FAM53A: variants seen among roughly 807,000 people sequenced by gnomAD.
The protein encoded by FAM53A is protein FAM53A.
Under a neutral mutation model 26.6 loss-of-function variants are expected in FAM53A, and 28 were observed. The ratio of observed to expected loss-of-function variants is 1.05; its 90% confidence interval spans 0.78 to 1.45. The LOEUF is 1.45. Ranked by LOEUF, FAM53A falls within the 40% of genes most tolerant of loss-of-function variation. The pLI is 0.00. For missense variants in FAM53A, 650 were observed against 575.8 expected (o/e 1.13, Z -1.32); for synonymous variants, 290 against 253.1 (o/e 1.15, Z -1.38).
intron 4 of FAM53A, among the ~76,000 whole-genome samples, chr4:1,649,032 G>A (rs1712493579): frequency 6.6e-6 from 1 of 152,130 alleles, no homozygotes. Flanking sequence ...AGAATCTCTG[G>A]AATCTGGGAG....
At chr4:1,596,412 T>TCCCCCCCC in the FAM53A span, among the ~76,000 whole-genome samples, 9 of 139,732 alleles carry the variant, frequency 6.4e-5, no homozygotes, top group East Asian at 2.1e-4. Flanking sequence ...CCACCCACCT[T>TCCCCCCCC]CCCCAAAGGT....
At chr4:1,653,401 T>C (rs1209581367) in intron 4 of FAM53A, among the ~76,000 whole-genome samples, 1 of 152,162 alleles carries the variant, frequency 6.6e-6, no homozygotes, top group Non-Finnish European at 1.5e-5. Flanking sequence ...TTAGGACTGT[T>C]GTCTGGTCAT....
rs1714606326 is a variant in FAM53A, at chr4:1,671,051, C to T, written c.-164-2146G>A. On this transcript the variant is annotated intron_variant, in intron 1 of 4. Transcript: ENST00000308132. ...CGGCCCGGACTCACCTCTGTCCCAG[C>T]GTCAGAGCCACCAGCTCACAGCCAC... Among the ~76,000 whole-genome samples the T allele has an allele frequency of 3.4e-5, 5 of 149,200 alleles. No individual in the cohort carries two copies. The South Asian group carries it at 8.6e-4, about 26-fold the overall frequency.
the FAM53A span, among the ~76,000 whole-genome samples, chr4:1,577,016 C>T: frequency 6.6e-6 from 1 of 152,146 alleles, no homozygotes; most frequent in East Asian, 1.9e-4. Flanking sequence ...TCCCTCCCTC[C>T]AGCCCTCTGT....
chr4:1,668,618 ACAGCACGG>A, intron 2 of FAM53A, 41 bp downstream of exon 2: 1 of 1,600,116 alleles, frequency 6.2e-7, no homozygotes, highest in Non-Finnish European at 8.6e-7. Flanking sequence ...TTCCCCTGTG[ACAGCACGG>A]GGGAGGGGCA....
intron 1 of FAM53A, among the ~76,000 whole-genome samples, chr4:1,680,319 C>CAAAAAAAA (rs143458191): frequency 9.7e-5 from 8 of 82,684 alleles, no homozygotes; most frequent in Non-Finnish European, 1.2e-4. Context: ...AACTCCGTCT[C>CAAAAAAAA]AAAAAAAAAA....
chr4:1,643,366 T>C (rs899043282), intron 4 of FAM53A, among the ~76,000 whole-genome samples: 1 of 151,764 alleles, frequency 6.6e-6, no homozygotes, highest in Non-Finnish European at 1.5e-5. Flanking sequence ...CTCGGGAGGC[T>C]GAGGCAGGAG....
chr4:1,671,985 C>T (rs1714691617), intron 1 of FAM53A, among the ~76,000 whole-genome samples: 1 of 140,250 alleles, frequency 7.1e-6, no homozygotes, highest in Admixed American at 7.1e-5. Flanking sequence ...CAGCAGCCTG[C>T]CTGTGACACA....
At chr4:1,651,445 T>C (rs1478560976) in intron 4 of FAM53A, among the ~76,000 whole-genome samples, 1 of 151,448 alleles carries the variant, frequency 6.6e-6, no homozygotes, top group South Asian at 2.1e-4. Context: ...GGCAGGAGAA[T>C]TGCTTGAGTC....
Position 1,655,084 on chromosome 4 carries a change from C to A in FAM53A, c.776G>T (p.Arg259Leu). 6.2e-7 allele frequency: 1 copy of A among 1,601,648 alleles called. No individual in the cohort carries two copies. The highest frequency in any genetic ancestry group is 8.5e-7 in the Non-Finnish European group (1 of 1,174,108). Residue 259 changes from arginine (R) to leucine (L), a missense_variant, in exon 4 of 5, where the codon CGC becomes CTC. Physicochemically the swap from Arg to Leu is moderately radical, Grantham distance 102 (BLOSUM62 -2). Coordinates refer to ENST00000308132, the MANE Select transcript of FAM53A (RefSeq NM_001174070.3). ...CCCACTGAGCACGCAAGGCTGTGAGCGGCACCGGAGCAGCCCACGGCGCCC... is the reference window on the plus strand; with the variant it reads ...CCCACTGAGCACGCAAGGCTGTGAGAGGCACCGGAGCAGCCCACGGCGCCC... ...LGGRRGLLRC[R>L]SQPCVLSGKR...
At chr4:1,620,466 G>A (rs1714981099) in intron 1 of FAM53A, among the ~76,000 whole-genome samples, 1 of 151,834 alleles carries the variant, frequency 6.6e-6, no homozygotes. Flanking sequence ...TGTACTGGCT[G>A]CATACAAAAC....
At position 1,624,765 on chromosome 4, in the gene FAM53A, T is replaced by C. The variant is rs12645645; in HGVS notation, c.432-6654A>G. Among the ~76,000 whole-genome samples the C allele has an allele frequency of 1.6e-4, 25 of 152,254 alleles. No homozygotes were observed. In the East Asian group the frequency reaches 4.6e-3, roughly 28 times the overall value. On this transcript the variant is annotated intron_variant, in intron 1 of 1. Coordinates refer to the FAM53A transcript ENST00000489029. The stretch of plus-strand genomic sequence containing the variant: ...TTCACGCCAGATGACAGCAAAGCTC[T>C]CCCCTGACATGCGGGCACACTCCAG...
At chr4:1,582,394 G>A in the FAM53A span, among the ~76,000 whole-genome samples, 1 of 152,302 alleles carries the variant, frequency 6.6e-6, no homozygotes, top group East Asian at 1.9e-4. Flanking sequence ...ACCACCCCGC[G>A]GGGAAAGACC....
At chr4:1,669,671 C>G (rs1051507536) in intron 1 of FAM53A, among the ~76,000 whole-genome samples, 5 of 152,220 alleles carry the variant, frequency 3.3e-5, no homozygotes, top group Non-Finnish European at 7.3e-5. Flanking sequence ...TCAGACCCAA[C>G]AGAGGCCAAA....
At chr4:1,629,823 C>T (rs1391418357) in intron 1 of FAM53A, among the ~76,000 whole-genome samples, 1 of 152,176 alleles carries the variant, frequency 6.6e-6, no homozygotes, top group Admixed American at 6.5e-5. Context: ...CTGGGCCCAC[C>T]CCGGCCCACC....
intron 1 of FAM53A, among the ~76,000 whole-genome samples, chr4:1,682,978 G>A (rs1464531054): frequency 2.0e-5 from 3 of 152,312 alleles, no homozygotes; most frequent in Admixed American, 6.5e-5. Flanking sequence ...GGACAAAGCT[G>A]CAGAATCAAA....
intron 4 of FAM53A, among the ~76,000 whole-genome samples, chr4:1,648,128 G>A (rs770489374): frequency 4.6e-5 from 7 of 152,192 alleles, no homozygotes. Flanking sequence ...AGGATCACCT[G>A]GGTCCAGGAG....
At chr4:1,608,932 G>A in the FAM53A span, among the ~76,000 whole-genome samples, 1 of 152,128 alleles carries the variant, frequency 6.6e-6, no homozygotes, top group Non-Finnish European at 1.5e-5. Context: ...ATGCGGGTTT[G>A]GAGGCGGGGC....
chr4:1,648,661 T>C (rs985232637), intron 4 of FAM53A, among the ~76,000 whole-genome samples: 2 of 152,156 alleles, frequency 1.3e-5, no homozygotes, highest in African/African-American at 4.8e-5. Flanking sequence ...CGGCTGAATT[T>C]AAGGCAATGC....
Sources: allele counts gnomAD v4.1 joint callset (sites outside exome capture counted in the v4.1 genomes callset), GRCh38; gene constraint gnomAD v4.1.1; transcripts MANE v1.5; gene names NCBI Gene and HGNC (gene_info 2026-07-23, HGNC 2026-07-21).